ULK4: variants seen among roughly 807,000 people sequenced by gnomAD.
The protein encoded by ULK4 is unc-51 like kinase 4.
ULK4 carries 133 observed loss-of-function variants against 160.6 expected under a neutral mutation model. The ratio of observed to expected loss-of-function variants is 0.83; its 90% CI spans 0.72 to 0.96. ULK4 has a LOEUF of 0.96. Among genes scored for constraint, ULK4 ranks in the 40% least tolerant of loss-of-function variants. The pLI is 0.00. For missense variants in ULK4, 1,580 were observed against 1,499.5 expected, an observed-to-expected ratio of 1.05 and a Z score of -0.89; for synonymous variants, 534 against 539.8, an observed-to-expected ratio of 0.99 and a Z score of 0.15.
intron 29 of ULK4, among the ~76,000 whole-genome samples, chr3:41,675,758 C>A (rs1479349268): frequency 6.6e-6 from 1 of 152,024 alleles, no homozygotes; most frequent in Non-Finnish European, 1.5e-5. Context: ...GGAGTGATAC[C>A]ACTACAAACC....
intron 35 of ULK4, among the ~76,000 whole-genome samples, chr3:41,274,466 T>C (rs986710371): frequency 6.6e-6 from 1 of 152,176 alleles, no homozygotes; most frequent in Non-Finnish European, 1.5e-5. Context: ...TATCTGACTC[T>C]GATACACATC....
intron 17 of ULK4, among the ~76,000 whole-genome samples, chr3:41,841,453 G>C (rs1445817305): frequency 7.0e-6 from 1 of 143,084 alleles, no homozygotes; most frequent in Non-Finnish European, 1.5e-5. Flanking sequence ...ACCTCTGCCC[G>C]GCCGCCCCGT....
At position 41,405,770 on chromosome 3, in the gene ULK4, T is replaced by C. The variant is rs2082281391; in HGVS notation, c.3493-7506A>G. On this transcript the variant is annotated intron_variant, in intron 34 of 36. Transcript: ENST00000301831. Reference sequence around the variant, plus strand: ...GCTTCTTGGCCGCTTGTATGTCTTCTTTTAAGAAATGTCTGTTCAAGTCTT... The same window carrying C: ...GCTTCTTGGCCGCTTGTATGTCTTCCTTTAAGAAATGTCTGTTCAAGTCTT... 3.3e-5 allele frequency among the ~76,000 whole-genome samples: 5 copies of C among 152,338 alleles called. No homozygotes were observed. The South Asian group carries it at 1.0e-3, about 32-fold the overall frequency.
chr3:41,641,833 A>T (rs1341387374), intron 30 of ULK4, among the ~76,000 whole-genome samples: 2 of 65,428 alleles, frequency 3.1e-5, no homozygotes, highest in Admixed American at 2.9e-4. Flanking sequence ...AAATGCAAGT[A>T]AAAAAAAAAA....
At chr3:41,642,596 A>G (rs1378531005) in intron 30 of ULK4, among the ~76,000 whole-genome samples, 1 of 152,186 alleles carries the variant, frequency 6.6e-6, no homozygotes, top group African/African-American at 2.4e-5. Context: ...CCATTGTTGG[A>G]CATTTGGATC....
chr3:41,582,498 G>A (rs1034491257), intron 31 of ULK4, among the ~76,000 whole-genome samples: 12 of 152,168 alleles, frequency 7.9e-5, no homozygotes, highest in African/African-American at 2.4e-4. Context: ...AGAGCAAGCA[G>A]AAGCAGAGGT....
At chr3:41,675,874 T>C (rs1256965424) in intron 29 of ULK4, among the ~76,000 whole-genome samples, 1 of 152,220 alleles carries the variant, frequency 6.6e-6, no homozygotes, top group South Asian at 2.1e-4. Context: ...GCTTCCTGAA[T>C]TGTTAAAGAA....
chr3:41,275,822 C>T (rs2079219704), intron 35 of ULK4, among the ~76,000 whole-genome samples: 1 of 152,216 alleles, frequency 6.6e-6, no homozygotes, highest in Admixed American at 6.5e-5. Context: ...GCCATTCCCT[C>T]CAACTAAGAT....
At position 41,292,661 on chromosome 3, in the gene ULK4, A is replaced by G. The variant is rs566759048; in HGVS notation, c.3679-43087T>C. Among the ~76,000 whole-genome samples, 10 of 152,172 alleles carry G rather than the reference A, an allele frequency of 6.6e-5. 1 individual carries two copies. In the South Asian group the frequency reaches 1.9e-3, roughly 28 times the overall value. On this transcript the variant is annotated intron_variant, in intron 35 of 36. Transcript: ENST00000301831. ...CCATCTCAAAAAAAGAAAAAGAAAAAAAGACCAGATGTGGTGGCTCACACC... is the reference window on the plus strand; with the variant it reads ...CCATCTCAAAAAAAGAAAAAGAAAAGAAGACCAGATGTGGTGGCTCACACC...
At chr3:41,858,670 A>ATTT (rs755950925) in intron 17 of ULK4, among the ~76,000 whole-genome samples, 24,753 of 133,086 alleles carry the variant, frequency 0.19, 2,530 homozygotes, top group Middle Eastern at 0.29. Flanking sequence ...TTTTTGTGTG[A>ATTT]TTTTTTTTTT....
chr3:41,939,168 T>C (rs866655160), intron 2 of ULK4, among the ~76,000 whole-genome samples: 7 of 149,458 alleles, frequency 4.7e-5, no homozygotes, highest in Non-Finnish European at 1.0e-4. Flanking sequence ...TTACCCTTTT[T>C]TTTTTTTTTT....
intron 30 of ULK4, among the ~76,000 whole-genome samples, chr3:41,656,995 G>A (rs576153212): frequency 2.0e-5 from 3 of 152,164 alleles, no homozygotes; most frequent in Non-Finnish European, 4.4e-5. Context: ...GCAACCTACT[G>A]TAAAATTAAG....
intron 2 of ULK4, among the ~76,000 whole-genome samples, chr3:41,943,712 C>T (rs77713505): frequency 0.033 from 4,955 of 152,194 alleles, 251 homozygotes; most frequent in African/African-American, 0.11. Context: ...AATCCACCAA[C>T]TTGCATCTTG....
At chr3:41,640,325 G>C (rs1050205140) in intron 30 of ULK4, among the ~76,000 whole-genome samples, 11 of 152,180 alleles carry the variant, frequency 7.2e-5, no homozygotes, top group Admixed American at 2.0e-4. Flanking sequence ...GCCTGCCACT[G>C]CCTGCTTGGA....
At chr3:41,473,661 C>CAAAAAAAAAAAAAAAAAAA (rs1294599838) in intron 32 of ULK4, among the ~76,000 whole-genome samples, 5 of 25,264 alleles carry the variant, frequency 2.0e-4, no homozygotes, top group East Asian at 1.3e-3. Flanking sequence ...GATTCTGTCT[C>CAAAAAAAAAAAAAAAAAAA]AAAGAAAAAA....
chr3:41,863,001 A>C (rs969721172), intron 17 of ULK4, among the ~76,000 whole-genome samples: 6 of 151,650 alleles, frequency 4.0e-5, no homozygotes, highest in Non-Finnish European at 8.8e-5. Flanking sequence ...TACAATCAGC[A>C]GGTGGCAAAG....
intron 23 of ULK4, among the ~76,000 whole-genome samples, chr3:41,715,849 ATT>A (rs60458744): frequency 6.6e-6 from 1 of 150,416 alleles, no homozygotes; most frequent in Non-Finnish European, 1.5e-5. Flanking sequence ...TAGCTTTAGA[ATT>A]TTTTTTTTGT....
At chr3:41,480,544 C>T (rs937634174) in intron 32 of ULK4, among the ~76,000 whole-genome samples, 14 of 152,234 alleles carry the variant, frequency 9.2e-5, no homozygotes, top group African/African-American at 2.9e-4. Context: ...AAGACCTTTA[C>T]GGTGATCCAC....
intron 18 of ULK4, among the ~76,000 whole-genome samples, chr3:41,826,874 A>C (rs185138145): frequency 0.14 from 16,478 of 120,106 alleles, 1,787 homozygotes; most frequent in African/African-American, 0.29. Context: ...CAGCACCACA[A>C]CACACCTATT....
Sources: gnomAD v4.1 joint callset for allele counts (sites outside exome capture counted in the v4.1 genomes callset) on GRCh38, gnomAD v4.1.1 for gene constraint, MANE v1.5 for transcripts, NCBI Gene and HGNC (gene_info 2026-07-23, HGNC 2026-07-21) for gene names.